The following GALNT18 variants were observed in gnomAD, a reference collection of about 807,000 sequenced individuals.
GALNT18 encodes GalNAc-transferase 18.
In GALNT18, 44 loss-of-function variants were observed where a neutral mutation model predicts 69.5. That is an observed-to-expected ratio of 0.63 (90% CI 0.50 to 0.81). GALNT18 has a LOEUF of 0.81. Among genes scored for constraint, GALNT18 ranks in the 40% least tolerant of loss-of-function variants. The probability of loss-of-function intolerance (pLI) is 0.00; values close to 1 mark genes in which losing one functional copy is unlikely to be tolerated. For synonymous variants in GALNT18, 364 were observed against 318.2 expected, an observed-to-expected ratio of 1.14 and a Z score of -1.53; for missense variants, 715 against 810.0, an observed-to-expected ratio of 0.88 and a Z score of 1.42.
chr11:11,397,392 G>A (rs1854359172), intron 3 of GALNT18, among the ~76,000 whole-genome samples: 1 of 152,154 alleles, frequency 6.6e-6, no homozygotes, highest in African/African-American at 2.4e-5. Context: ...AATTCTGCTT[G>A]TATAACCAGT....
intron 10 of GALNT18, among the ~76,000 whole-genome samples, chr11:11,272,370 T>A (rs1218090044): frequency 6.6e-6 from 1 of 152,196 alleles, no homozygotes; most frequent in Non-Finnish European, 1.5e-5. Context: ...GGGACAACTG[T>A]GTCAGCTCCC....
At chr11:11,308,495 C>A (rs1300692232) in intron 9 of GALNT18, among the ~76,000 whole-genome samples, 5 of 152,094 alleles carry the variant, frequency 3.3e-5, no homozygotes, top group South Asian at 2.1e-4. Flanking sequence ...CTTATCAAAC[C>A]CCCAGTATCA....
rs10741544 is a variant in GALNT18 at position 11,320,266 on chromosome 11, G to A, written c.1512+6820C>T. Among the ~76,000 whole-genome samples, 109,648 of 152,124 alleles carry A rather than the reference G, an allele frequency of 0.72. 39,870 individuals carry two copies. The highest frequency in any genetic ancestry group is 0.8 in the Admixed American group (12,244 of 15,282). ...TTTCATAGAAGAGGTCAGAAATACC[G>A]TTACCCTGGCTTGGTCTATATTCCC... On this transcript the variant is annotated intron_variant, in intron 9 of 10. Transcript: ENST00000227756. This position sits in a 1 kb window ranked among gnomAD's most constrained non-coding sequence, Gnocchi z 4.9.
intron 1 of GALNT18, among the ~76,000 whole-genome samples, chr11:11,575,183 C>G (rs1358268293): frequency 6.6e-6 from 1 of 152,126 alleles, no homozygotes; most frequent in East Asian, 1.9e-4. Context: ...ATCTGTAAGC[C>G]ACTGAACGGT....
At chr11:11,456,103 T>C (rs1176771017) in intron 1 of GALNT18, among the ~76,000 whole-genome samples, 1 of 151,844 alleles carries the variant, frequency 6.6e-6, no homozygotes, top group African/African-American at 2.4e-5. Context: ...AACCACAGAG[T>C]GGCAAAGTGC....
Position 11,330,974 on chromosome 11 carries a change from T to C in GALNT18, c.1416+1720A>G, listed in dbSNP as rs551415506. ...CTGGCTCACAGAGGCTTGGGGCCAA[T>C]AGTTTCTCTGGAGCCACAGCAGCGT... On this transcript the variant is annotated intron_variant, in intron 8 of 10. Transcript: ENST00000227756. 3.9e-5 allele frequency among the ~76,000 whole-genome samples: 6 copies of C among 152,248 alleles called. No homozygotes were observed. In the South Asian group the frequency reaches 1.2e-3, roughly 32 times the overall value.
At chr11:11,316,101 G>T (rs577080485) in intron 9 of GALNT18, among the ~76,000 whole-genome samples, 1 of 152,260 alleles carries the variant, frequency 6.6e-6, no homozygotes, top group Admixed American at 6.5e-5. Flanking sequence ...AAAAGCTGCA[G>T]GAGTGTACGA....
chr11:11,348,048 C>T (rs1850333063), intron 6 of GALNT18, among the ~76,000 whole-genome samples: 1 of 150,332 alleles, frequency 6.7e-6, no homozygotes, highest in Non-Finnish European at 1.5e-5. Flanking sequence ...GCATTTCACT[C>T]ACCTCATTCT....
intron 3 of GALNT18, among the ~76,000 whole-genome samples, chr11:11,428,514 C>T (rs553733278): frequency 2.6e-4 from 40 of 152,380 alleles, no homozygotes; most frequent in African/African-American, 9.4e-4. Context: ...CACATTGCCT[C>T]CTGCTGCCTC....
At chr11:11,462,564 A>G (rs1485363754) in intron 1 of GALNT18, among the ~76,000 whole-genome samples, 1 of 151,964 alleles carries the variant, frequency 6.6e-6, no homozygotes, top group Admixed American at 6.6e-5. Flanking sequence ...AAGTGCTGGG[A>G]TTTCAGGCAT....
chr11:11,433,936 C>G (rs1048594218), intron 2 of GALNT18, among the ~76,000 whole-genome samples: 1 of 152,120 alleles, frequency 6.6e-6, no homozygotes, highest in Non-Finnish European at 1.5e-5. Context: ...TTCCACTGCT[C>G]CAGAGTGGGA....
intron 3 of GALNT18, among the ~76,000 whole-genome samples, chr11:11,380,678 C>A (rs947857107): frequency 6.6e-6 from 1 of 152,240 alleles, no homozygotes; most frequent in Admixed American, 6.5e-5. Context: ...GATGCGGGTG[C>A]ATGTGCAGGT....
chr11:11,336,370 G>A (rs1049580962), intron 7 of GALNT18, among the ~76,000 whole-genome samples: 1 of 152,106 alleles, frequency 6.6e-6, no homozygotes, highest in Non-Finnish European at 1.5e-5. Flanking sequence ...AGCTTAGAAG[G>A]CAACAAGCAG....
At chr11:11,380,724 G>A (rs1450537316) in intron 3 of GALNT18, among the ~76,000 whole-genome samples, 1 of 152,214 alleles carries the variant, frequency 6.6e-6, no homozygotes, top group Non-Finnish European at 1.5e-5. Flanking sequence ...TGCCTGCTCT[G>A]AGTCAAAACA....
At position 11,546,072 on chromosome 11, in the gene GALNT18, A is replaced by G. The variant is rs1233390149; in HGVS notation, c.235+75287T>C. Among the ~76,000 whole-genome samples, 1 of 152,042 alleles carries G rather than the reference A, an allele frequency of 6.6e-6. No homozygotes were observed. The highest frequency in any genetic ancestry group is 2.4e-5 in the African/African-American group (1 of 41,396). ...GATTAGGCCCCTCTTCTCCCCAGCC[A>G]CTCAGCCAAGCTGCCACTATAATTC... On this transcript the variant is annotated intron_variant, in intron 1 of 10. Transcript: ENST00000227756. This position sits in a 1 kb window ranked among gnomAD's most constrained non-coding sequence, Gnocchi z 5.8.
intron 1 of GALNT18, among the ~76,000 whole-genome samples, chr11:11,615,577 T>A (rs1347764848): frequency 6.6e-6 from 1 of 152,224 alleles, no homozygotes; most frequent in East Asian, 1.9e-4. Flanking sequence ...CTCTCCTGAA[T>A]TTGTTTATAC....
At position 11,459,938 on chromosome 11, in the gene GALNT18, T is replaced by C. The variant is rs78679142; in HGVS notation, c.236-11002A>G. On this transcript the variant is annotated intron_variant, in intron 1 of 10. Transcript: ENST00000227756. This position sits in a 1 kb window ranked among gnomAD's most constrained non-coding sequence, Gnocchi z 5.0. ...CTCTGGAGGAGAGATTCTGTTTCCA[T>C]GCTCTTCCCAGTTTCCAGAGGCTGC... Among the ~76,000 whole-genome samples, 9,807 of 152,218 alleles carry C rather than the reference T, an allele frequency of 0.064. 469 individuals carry two copies. Among genetic ancestry groups the C allele is most frequent in the South Asian group, 0.18 (868 of 4,812 alleles).
chr11:11,329,315 A>C (rs1849979190), intron 8 of GALNT18, among the ~76,000 whole-genome samples: 1 of 152,192 alleles, frequency 6.6e-6, no homozygotes. Context: ...TGTGTCAGGT[A>C]CCATGTGAAG....
chr11:11,522,887 G>A (rs1267480861), intron 1 of GALNT18, among the ~76,000 whole-genome samples: 2 of 152,116 alleles, frequency 1.3e-5, no homozygotes, highest in African/African-American at 4.8e-5. Flanking sequence ...TCAAATCTGG[G>A]TTTACAGTCT....
Sources: gnomAD v4.1 joint callset for allele counts (sites outside exome capture counted in the v4.1 genomes callset) on GRCh38, gnomAD v4.1.1 for gene constraint, Gnocchi (gnomAD v3.1) non-coding constraint, MANE v1.5 for transcripts, NCBI Gene and HGNC (gene_info 2026-07-23, HGNC 2026-07-21) for gene names.